Variants in BIRC2 observed in about 807,000 individuals in gnomAD.
The protein encoded by BIRC2 is baculoviral IAP repeat-containing protein 2.
Under a neutral mutation model 60.9 loss-of-function variants are expected in BIRC2, and 18 were observed. The observed-to-expected ratio is 0.30, with a 90% CI of 0.20 to 0.44. The LOEUF (loss-of-function observed/expected upper bound fraction) is 0.44. Among genes scored for constraint, BIRC2 ranks in the 20% least tolerant of loss-of-function variants. The probability of loss-of-function intolerance (pLI) is 1.00; values close to 1 mark genes in which losing one functional copy is unlikely to be tolerated. For synonymous variants in BIRC2, 282 were observed against 247.7 expected (o/e 1.14, Z -1.30); for missense variants, 701 against 728.5 (o/e 0.96, Z 0.43).
Position 102,375,858 on chromosome 11 carries a change from C to T in BIRC2, c.1367-1638C>T, listed in dbSNP as rs369801784. On this transcript the variant is annotated intron_variant, in intron 6 of 8. Coordinates refer to ENST00000227758, the MANE Select transcript of BIRC2 (RefSeq NM_001166.5). Reference sequence around the variant, plus strand: ...TTCAACCAGACATCGGCTTTCTCATCTGTAAAATGGGGATAATAATAGTAT... The same window carrying T: ...TTCAACCAGACATCGGCTTTCTCATTTGTAAAATGGGGATAATAATAGTAT... Among the ~76,000 whole-genome samples the T allele has an allele frequency of 3.3e-5, 5 of 151,682 alleles. No individual in the cohort carries two copies. In the East Asian group the frequency reaches 9.7e-4, roughly 29 times the overall value.
At chr11:102,377,245 A>G (rs1035411854) in intron 6 of BIRC2, among the ~76,000 whole-genome samples, 1 of 152,208 alleles carries the variant, frequency 6.6e-6, no homozygotes, top group African/African-American at 2.4e-5. Context: ...TGTCTTCTAC[A>G]AATCTCTTGC....
At position 102,362,887 on chromosome 11, in the gene BIRC2, A is replaced by G. The variant is rs765613219; in HGVS notation, c.996-9A>G. The G allele has an allele frequency of 1.0e-5, 16 of 1,604,092 alleles. No homozygotes were observed. The South Asian group carries it at 1.3e-4, about 13-fold the overall frequency. ...AATTTTAAAAAATAATTTTCCTCATATGTTTTAGGTGTGAGTTCTTGATAC... is the reference window on the plus strand; with the variant it reads ...AATTTTAAAAAATAATTTTCCTCATGTGTTTTAGGTGTGAGTTCTTGATAC... On this transcript the variant is annotated splice_polypyrimidine_tract_variant and intron_variant, in intron 3 of 8. Coordinates refer to ENST00000227758, the MANE Select transcript of BIRC2 (RefSeq NM_001166.5).
rs570137230 is a variant in BIRC2 at position 102,359,079 on chromosome 11, G to A, written c.996-3817G>A. Among the ~76,000 whole-genome samples the A allele has an allele frequency of 1.1e-4, 17 of 152,210 alleles. No homozygotes were observed. In the East Asian group the frequency reaches 3.1e-3, roughly 28 times the overall value. ...CCTTGTGTTTAGATGATTTTCTGTG[G>A]TGGTATGCTTTGATTCCTTTATATC... On this transcript the variant is annotated intron_variant, in intron 3 of 8. Coordinates refer to ENST00000227758, the MANE Select transcript of BIRC2 (RefSeq NM_001166.5).
At chr11:102,363,838 C>A in intron 5 of BIRC2, 122 bp downstream of exon 5, 2 of 660,036 alleles carry the variant, frequency 3.0e-6, no homozygotes, top group Admixed American at 2.8e-5. Context: ...TGACAGATCA[C>A]CTGAGGTCAG....
Position 102,350,213 on chromosome 11 carries a change from G to A in BIRC2, c.359G>A (p.Ser120Asn), listed in dbSNP as rs1468961697. 9 of 1,614,094 alleles carry A rather than the reference G, an allele frequency of 5.6e-6. No individual in the cohort carries two copies. The South Asian group carries it at 6.6e-5, about 12-fold the overall frequency. ...TTTATTCAGAATCTGGTTTCAGCTA[G>A]TCTGGGATCCACCTCTAAGAATACG... ...CSFIQNLVSA[S>N]LGSTSKNTSP... is the part of the protein sequence containing the mutation. Residue 120 changes from serine to asparagine, a missense_variant, in exon 2 of 9, where the codon AGT (serine) becomes AAT (asparagine). By Grantham distance (46) the Ser-to-Asn change is conservative. This residue lies in a region of BIRC2 where 375 missense variants were observed against 365.9 expected (regional missense o/e 1.02). Transcript: ENST00000227758.
At chr11:102,364,215 A>T (rs1435467160) in intron 5 of BIRC2, among the ~76,000 whole-genome samples, 15 of 134,432 alleles carry the variant, frequency 1.1e-4, no homozygotes, top group African/African-American at 1.7e-4. Context: ...AGAGAGAGAG[A>T]GTGTAATGAC....
chr11:102,357,989 C>T (rs1288588255), intron 3 of BIRC2, among the ~76,000 whole-genome samples: 2 of 151,952 alleles, frequency 1.3e-5, no homozygotes, highest in Admixed American at 1.3e-4. Flanking sequence ...TCTTCTTTGA[C>T]CCATTGATTA....
In BIRC2 at chr11:102,362,896, G is replaced by C; in HGVS notation, c.996G>C (p.Arg332Ser). The change falls in exon 4 of 9, where the codon AGG (arginine) becomes AGC (serine). Residue 332 changes from arginine (R) to serine (S), a missense_variant and splice_region_variant. Physicochemically the swap from Arg to Ser is moderately radical, Grantham distance 110 (BLOSUM62 -1). Around this residue, in one of 4 missense-constraint regions of BIRC2, gnomAD observed 39 missense variants for 69.8 expected, o/e 0.56. Transcript: ENST00000227758. ...PWVEHAKWFP[R>S]CEFLIRMKGQ... ...AAATAATTTTCCTCATATGTTTTAG[G>C]TGTGAGTTCTTGATACGAATGAAAG... 2 of 1,609,614 alleles carry C rather than the reference G, an allele frequency of 1.2e-6. No individual in the cohort carries two copies. The highest frequency in any genetic ancestry group is 8.5e-7 in the Non-Finnish European group (1 of 1,176,538).
chr11:102,374,526 C>G (rs1329913913), intron 6 of BIRC2, among the ~76,000 whole-genome samples: 2 of 150,906 alleles, frequency 1.3e-5, no homozygotes, highest in African/African-American at 4.9e-5. Context: ...TCTGCCGGTT[C>G]TCAGATCTCC....
rs769310904 is a variant in BIRC2 at position 102,348,661 on chromosome 11, T to A, written c.-1194T>A. The A allele has an allele frequency of 2.7e-6, 1 of 365,268 alleles. No individual in the cohort carries two copies. Among genetic ancestry groups the A allele is most frequent in the South Asian group, 2.1e-5 (1 of 46,944 alleles). 22.6% of individuals were successfully genotyped at this position (365,268 alleles called of 1,614,324 possible). On this transcript the variant is annotated 5_prime_UTR_variant, in exon 2 of 9. The change abolishes an upstream ATG in the 5' untranslated region. Transcript: ENST00000227758. ...CCCCCTGCAGTAATAAATCCCATTA[T>A]GGAGATCTCGAAACTTTATAAAGGG... is the stretch of plus-strand genomic sequence containing the variant.
intron 5 of BIRC2, among the ~76,000 whole-genome samples, chr11:102,366,951 T>G (rs192108142): frequency 1.3e-5 from 2 of 152,258 alleles, no homozygotes. Context: ...CTTGATCATG[T>G]CAAGCTTTTC....
In BIRC2 at chr11:102,377,640, T is replaced by C; in HGVS notation, c.1511T>C (p.Leu504Ser). 6.2e-7 allele frequency: 1 copy of C among 1,611,098 alleles called. No individual in the cohort carries two copies. Residue 504 changes from leucine to serine, a missense_variant, in exon 7 of 9, where the codon TTA (leucine) becomes TCA (serine). Leu to Ser is a moderately radical substitution (Grantham distance 145, BLOSUM62 -2). Transcript: ENST00000227758. ...ATTAAACAAAAAACACAGATACCTT[T>C]ACAAGCGAGAGAACTGATTGATACC... ...DIIKQKTQIPLQARELIDTIL... is the reference protein window; with the variant it reads ...DIIKQKTQIPSQARELIDTIL...
chr11:102,364,174 T>TATATACACAC lies in BIRC2; in HGVS notation c.1123+459_1123+460insTATACACACA, dbSNP rs1389968594. Among the ~76,000 whole-genome samples the TATATACACAC allele has an allele frequency of 1.9e-4, 15 of 78,098 alleles. 1 individual carries two copies. The highest frequency in any genetic ancestry group is 8.8e-4 in the Admixed American group (6 of 6,840). 51.2% of individuals were successfully genotyped at this position (78,098 alleles called of 152,430 possible). A position where few individuals can be genotyped will look rare whatever the true frequency, so the allele number is the denominator to read the frequency against. On this transcript the variant is annotated intron_variant, in intron 5 of 8. Transcript: ENST00000227758. ...ATATATATATATATATATATATATATACACACACACACAGAGAGAGAGAGA... is the reference window on the plus strand; with the variant it reads ...ATATATATATATATATATATATATATATATACACACACACACACACACAGAGAGAGAGAGA...
chr11:102,357,632 T>C (rs1397885459), intron 3 of BIRC2, among the ~76,000 whole-genome samples: 2 of 152,180 alleles, frequency 1.3e-5, no homozygotes, highest in African/African-American at 4.8e-5. Context: ...GTGTTATCAA[T>C]GGTAACATCT....
At chr11:102,372,368 G>A (rs1410043309) in intron 6 of BIRC2, among the ~76,000 whole-genome samples, 1 of 152,072 alleles carries the variant, frequency 6.6e-6, no homozygotes, top group Non-Finnish European at 1.5e-5. Context: ...GGTATGTTGT[G>A]TGTTTGTTCT....
At position 102,378,625 on chromosome 11, in the gene BIRC2, TC is replaced by T. The variant is rs1455692349; in HGVS notation, c.*447del. 1 of 152,514 alleles carries T rather than the reference TC, an allele frequency of 6.6e-6. No homozygotes were observed. Among genetic ancestry groups the T allele is most frequent in the African/African-American group, 2.4e-5 (1 of 41,460 alleles). The allele number at this position is 152,514 out of a possible 1,614,324, so 9.4% of individuals were successfully genotyped here. A position where few individuals can be genotyped will look rare whatever the true frequency, so the allele number is the denominator to read the frequency against. ...AAAATAAGGATTTTTCTCTTATTTC[TC>T]CCCCTAGTTTGTGAGAAACATCTCA... On this transcript the variant is annotated 3_prime_UTR_variant, in exon 9 of 9. Coordinates refer to ENST00000227758, the MANE Select transcript of BIRC2 (RefSeq NM_001166.5).
Position 102,350,254 on chromosome 11 carries a change from A to G in BIRC2, c.400A>G (p.Ser134Gly), listed in dbSNP as rs147363362. 16 of 1,614,248 alleles carry G rather than the reference A, an allele frequency of 9.9e-6. No homozygotes were observed. Among genetic ancestry groups the G allele is most frequent in the East Asian group, 4.5e-5 (2 of 44,890 alleles). The change falls in exon 2 of 9, where the codon AGT (serine) becomes GGT (glycine). Residue 134 changes from serine to glycine, a missense_variant. Around this residue, in one of 4 missense-constraint regions of BIRC2, gnomAD observed 375 missense variants for 365.9 expected, o/e 1.02. Coordinates refer to ENST00000227758, the MANE Select transcript of BIRC2 (RefSeq NM_001166.5). ...TAAGAATACGTCTCCAATGAGAAACAGTTTTGCACATTCATTATCTCCCAC... is the reference window on the plus strand; with the variant it reads ...TAAGAATACGTCTCCAATGAGAAACGGTTTTGCACATTCATTATCTCCCAC... ...TSKNTSPMRN[S>G]FAHSLSPTLE...
intron 3 of BIRC2, among the ~76,000 whole-genome samples, chr11:102,352,214 C>G (rs1441954777): frequency 4.0e-5 from 6 of 149,590 alleles, no homozygotes; most frequent in Admixed American, 3.3e-4. Flanking sequence ...CCCGGGTTCA[C>G]GCCATTCTCC....
intron 3 of BIRC2, among the ~76,000 whole-genome samples, chr11:102,360,273 C>G (rs1951471303): frequency 6.6e-6 from 1 of 152,044 alleles, no homozygotes; most frequent in Non-Finnish European, 1.5e-5. Flanking sequence ...GCCTTGAATT[C>G]TTAAAATGCA....
Sources: gnomAD v4.1 joint callset for allele counts (sites outside exome capture counted in the v4.1 genomes callset) on GRCh38, gnomAD v4.1.1 for gene constraint, gnomAD v4.1.1 regional missense constraint, MANE v1.5 for transcripts, NCBI Gene and HGNC (gene_info 2026-07-23, HGNC 2026-07-21) for gene names.